GNAZ: variants seen among roughly 807,000 people sequenced by gnomAD.
GNAZ encodes the protein G protein subunit alpha z.
In GNAZ, 3 loss-of-function variants were observed where a neutral mutation model predicts 25.4. That is an observed-to-expected ratio of 0.12 (90% confidence interval 0.05 to 0.30). The LOEUF (loss-of-function observed/expected upper bound fraction) is 0.30, where lower values mean the gene tolerates loss of function less well. GNAZ is among the 10% of genes least tolerant of loss of function. The pLI is 1.00. For missense variants in GNAZ, 241 were observed against 501.8 expected (o/e 0.48, Z 4.97); for synonymous variants, 211 against 205.7 (o/e 1.03, Z -0.22).
intron 2 of GNAZ, among the ~76,000 whole-genome samples, chr22:23,100,732 G>A (rs905246808): frequency 2.0e-5 from 3 of 152,220 alleles, no homozygotes; most frequent in Non-Finnish European, 2.9e-5. Flanking sequence ...TGGAGCGGGC[G>A]GGAGGCGGTA....
chr22:23,112,127 T>C (rs1165695903), intron 2 of GNAZ, among the ~76,000 whole-genome samples: 3 of 152,052 alleles, frequency 2.0e-5, no homozygotes, highest in Admixed American at 1.3e-4. Flanking sequence ...CCTCCTGTCT[T>C]CACCCCGCAG....
In GNAZ at chr22:23,124,300, A is replaced by G; in HGVS notation, c.*869A>G. On this transcript the variant is annotated 3_prime_UTR_variant, in exon 3 of 3. Coordinates refer to ENST00000615612, the MANE Select transcript of GNAZ (RefSeq NM_002073.4). Reference sequence around the variant, plus strand: ...AAATGCAGTTGAGTATTCTTTTTTAAATGCAGATTTTCAAAACATATTTTT... The same window carrying G: ...AAATGCAGTTGAGTATTCTTTTTTAGATGCAGATTTTCAAAACATATTTTT... 1 of 274,194 alleles carries G rather than the reference A, an allele frequency of 3.6e-6. No homozygotes were observed. The highest frequency in any genetic ancestry group is 8.4e-6 in the Non-Finnish European group (1 of 118,390). The allele number at this position is 274,194 out of a possible 1,614,324, so 17.0% of individuals were successfully genotyped here.
intron 2 of GNAZ, 40 bp from the exon 3 acceptor site, chr22:23,123,047 G>A: frequency 7.3e-7 from 1 of 1,365,764 alleles, no homozygotes; most frequent in Non-Finnish European, 1.0e-6. Flanking sequence ...GTCTCTGCCT[G>A]CTGCGGGCCT....
rs2068357018 is a variant in GNAZ at position 23,071,039 on chromosome 22, C to A, written c.-450+469C>A. Reference sequence around the variant, plus strand: ...CTTGCCTGAAACCGAGGAGAGGGCCCCAGAGGCCTGGGCCCGAGGACCTGG... The same window carrying A: ...CTTGCCTGAAACCGAGGAGAGGGCCACAGAGGCCTGGGCCCGAGGACCTGG... On this transcript the variant is annotated intron_variant, in intron 1 of 2. Coordinates refer to ENST00000615612, the MANE Select transcript of GNAZ (RefSeq NM_002073.4). The surrounding 1 kb of genome is among the most constrained non-coding windows in gnomAD (Gnocchi z 4.1). 6.6e-6 allele frequency among the ~76,000 whole-genome samples: 1 copy of A among 152,162 alleles called. No individual in the cohort carries two copies. The highest frequency in any genetic ancestry group is 2.1e-4 in the South Asian group (1 of 4,820).
intron 1 of GNAZ, among the ~76,000 whole-genome samples, chr22:23,077,355 G>A (rs1267822112): frequency 6.6e-6 from 1 of 152,128 alleles, no homozygotes; most frequent in Non-Finnish European, 1.5e-5. Flanking sequence ...AGTGACCTCA[G>A]GGTCCAACCC....
intron 2 of GNAZ, chr22:23,122,285 T>A (rs905628513): frequency 5.3e-5 from 8 of 152,364 alleles, no homozygotes; most frequent in African/African-American, 1.9e-4. Flanking sequence ...CAGAAGAGAA[T>A]TGAGGAGCGG....
intron 1 of GNAZ, among the ~76,000 whole-genome samples, chr22:23,079,283 G>A (rs993043832): frequency 6.6e-6 from 1 of 152,252 alleles, no homozygotes; most frequent in African/African-American, 2.4e-5. Context: ...TGGGCAGGGA[G>A]GCCTCCTAAG....
intron 2 of GNAZ, among the ~76,000 whole-genome samples, chr22:23,098,687 T>A (rs1158651045): frequency 6.6e-6 from 1 of 152,248 alleles, no homozygotes; most frequent in African/African-American, 2.4e-5. Context: ...ATTCACTGGA[T>A]TCCAAATGAT....
At chr22:23,077,636 G>T (rs906743478) in intron 1 of GNAZ, among the ~76,000 whole-genome samples, 19 of 152,176 alleles carry the variant, frequency 1.2e-4, no homozygotes, top group African/African-American at 4.6e-4. Context: ...ACTAAGGAGG[G>T]CTGAGGCATG....
chr22:23,118,526 G>A (rs1172581774), intron 2 of GNAZ, among the ~76,000 whole-genome samples: 3 of 151,668 alleles, frequency 2.0e-5, no homozygotes, highest in African/African-American at 7.3e-5. Context: ...AAGGCAAGGA[G>A]GGCTTCTTGC....
Position 23,123,378 on chromosome 22 carries a change from G to A in GNAZ, c.1015G>A (p.Ala339Thr), listed in dbSNP as rs1379507136. 1.1e-5 allele frequency: 17 copies of A among 1,613,792 alleles called. No individual in the cohort carries two copies. Among genetic ancestry groups the A allele is most frequent in the East Asian group, 4.5e-5 (2 of 44,880 alleles). ...CAGTAACATCCAGTTTGTCTTCGAC[G>A]CGGTGACAGACGTCATCATACAGAA... is the stretch of plus-strand genomic sequence containing the variant. ...DTSNIQFVFDAVTDVIIQNNL... is the reference protein window; with the variant it reads ...DTSNIQFVFDTVTDVIIQNNL... The change falls in exon 3 of 3, where the codon GCG becomes ACG. Residue 339 changes from alanine to threonine, a missense_variant. Coordinates refer to ENST00000615612, the MANE Select transcript of GNAZ (RefSeq NM_002073.4).
rs994717839 is a variant in GNAZ at position 23,123,923 on chromosome 22, G to T, written c.*492G>T. The T allele has an allele frequency of 7.3e-5, 16 of 218,206 alleles. No homozygotes were observed. Among genetic ancestry groups the T allele is most frequent in the Admixed American group, 3.7e-4 (7 of 19,028 alleles). 13.5% of individuals were successfully genotyped at this position (218,206 alleles called of 1,614,324 possible). ...GACCAAGAGGGAGGACCAGTGCAGG[G>T]TCTGTGCACCTTCCCTGCTGGCCTG... is the stretch of plus-strand genomic sequence containing the variant. On this transcript the variant is annotated 3_prime_UTR_variant, in exon 3 of 3. Coordinates refer to ENST00000615612, the MANE Select transcript of GNAZ (RefSeq NM_002073.4).
chr22:23,092,465 T>G (rs2069008570), intron 1 of GNAZ, among the ~76,000 whole-genome samples: 1 of 152,028 alleles, frequency 6.6e-6, no homozygotes, highest in South Asian at 2.1e-4. Context: ...TTGGTTCAGG[T>G]GATCTGAAAG....
chr22:23,084,558 C>T (rs2068765842), intron 1 of GNAZ, among the ~76,000 whole-genome samples: 1 of 152,226 alleles, frequency 6.6e-6, no homozygotes, highest in Non-Finnish European at 1.5e-5. Context: ...TTGCAGACAG[C>T]CACACTGGCC....
At chr22:23,099,111 C>T (rs950764534) in intron 2 of GNAZ, among the ~76,000 whole-genome samples, 4 of 152,340 alleles carry the variant, frequency 2.6e-5, no homozygotes, top group Admixed American at 2.0e-4. Context: ...GCTGGCAGTG[C>T]CTCCCCACCC....
Position 23,096,138 on chromosome 22 carries a change from A to C in GNAZ, c.443A>C (p.His148Pro), listed in dbSNP as rs1218883952. The C allele has an allele frequency of 6.2e-6, 10 of 1,612,416 alleles. No homozygotes were observed. ...QACFSRSSEY[H>P]LEDNAAYYLN... ...TGCTTCAGCCGCTCCAGCGAGTACC[A>C]CCTGGAGGACAACGCGGCCTACTAC... The change falls in exon 2 of 3, where the codon CAC becomes CCC. Residue 148 changes from histidine to proline, a missense_variant. By Grantham distance (77) the His-to-Pro change is moderately conservative. Coordinates refer to ENST00000615612, the MANE Select transcript of GNAZ (RefSeq NM_002073.4).
intron 1 of GNAZ, among the ~76,000 whole-genome samples, chr22:23,083,526 C>T (rs2068734657): frequency 6.6e-6 from 1 of 152,186 alleles, no homozygotes; most frequent in African/African-American, 2.4e-5. Flanking sequence ...TTCTGCGAAT[C>T]TTTCACAGAG....
intron 2 of GNAZ, among the ~76,000 whole-genome samples, chr22:23,120,068 G>A (rs900708155): frequency 6.6e-6 from 1 of 152,186 alleles, no homozygotes; most frequent in East Asian, 1.9e-4. Flanking sequence ...TGAGGCTGCC[G>A]CAGTGGCGGA....
chr22:23,083,450 T>C (rs1403196339), intron 1 of GNAZ, among the ~76,000 whole-genome samples: 1 of 151,888 alleles, frequency 6.6e-6, no homozygotes, highest in African/African-American at 2.4e-5. Context: ...CAAAAGGGAG[T>C]GCTGGGGAAG....
Sources: allele counts gnomAD v4.1 joint callset (sites outside exome capture counted in the v4.1 genomes callset), GRCh38; gene constraint gnomAD v4.1.1; non-coding constraint Gnocchi (gnomAD v3.1); transcripts MANE v1.5; gene names NCBI Gene and HGNC (gene_info 2026-07-23, HGNC 2026-07-21).